ABCC3: variants seen among roughly 807,000 people sequenced by gnomAD.
ABCC3 encodes ATP-binding cassette sub-family C member 3.
Under a neutral mutation model 165.3 loss-of-function variants are expected in ABCC3, and 121 were observed. That is an observed-to-expected ratio of 0.73 (90% confidence interval 0.63 to 0.85). The LOEUF (loss-of-function observed/expected upper bound fraction) is 0.85. ABCC3 is among the 40% of genes least tolerant of loss of function. The probability of loss-of-function intolerance (pLI) is 0.00; values close to 1 mark genes in which losing one functional copy is unlikely to be tolerated. For synonymous variants in ABCC3, 733 were observed against 810.1 expected, an observed-to-expected ratio of 0.90 and a Z score of 1.62; for missense variants, 1,869 against 1,964.1, an observed-to-expected ratio of 0.95 and a Z score of 0.92.
chr17:50,650,012 G>C (rs1967084564), intron 1 of ABCC3, among the ~76,000 whole-genome samples: 1 of 152,154 alleles, frequency 6.6e-6, no homozygotes, highest in Non-Finnish European at 1.5e-5. Flanking sequence ...ACTACCTAAA[G>C]AGAAAGAAAA....
chr17:50,663,188 G>T, intron 8 of ABCC3: 1 of 164,890 alleles, frequency 6.1e-6, no homozygotes, highest in South Asian at 1.6e-4. Flanking sequence ...GAGAAGAGAG[G>T]TGAAGAAGGC....
chr17:50,641,993 G>GAA (rs201815011), intron 1 of ABCC3, among the ~76,000 whole-genome samples: 15 of 149,574 alleles, frequency 1.0e-4, no homozygotes, highest in East Asian at 3.9e-4. Context: ...ATTACAGTGG[G>GAA]GAAAAAAAAA....
chr17:50,655,281 C>T (rs1011285600), intron 1 of ABCC3, among the ~76,000 whole-genome samples: 7 of 151,002 alleles, frequency 4.6e-5, no homozygotes, highest in African/African-American at 1.7e-4. Context: ...TGGTGGGCGC[C>T]TGTAGTCCCA....
At chr17:50,679,681 C>A in intron 25 of ABCC3, 117 bp from the exon 26 acceptor site, 1 of 946,964 alleles carries the variant, frequency 1.1e-6, no homozygotes, top group Non-Finnish European at 1.7e-6. Context: ...CCACCTGGGT[C>A]ATCCATGGGC....
intron 1 of ABCC3, 137 bp downstream of exon 1, chr17:50,635,118 G>T: frequency 1.0e-6 from 1 of 956,088 alleles, no homozygotes; most frequent in Non-Finnish European, 1.4e-6. Context: ...CGCCCGGGAG[G>T]GGGCGATGGG....
In ABCC3 at chr17:50,658,083, G is replaced by C. The variant is rs562961331; in HGVS notation, c.488G>C (p.Gly163Ala). The change falls in exon 5 of 31, where the codon GGT becomes GCT. Residue 163 changes from glycine (G) to alanine (A), a missense_variant and splice_region_variant. Transcript: ENST00000285238. ...ACGCCCCTCCACTCTCCCACCCAGG[G>C]TGAGATCTCAGACCCCTTCCGCTTC... ...RSKILLAKAE[G>A]EISDPFRFTT... The C allele has an allele frequency of 6.2e-7, 1 of 1,614,176 alleles. No individual in the cohort carries two copies. Among genetic ancestry groups the C allele is most frequent in the South Asian group, 1.1e-5 (1 of 91,090 alleles).
chr17:50,678,050 G>T (rs913320863), intron 24 of ABCC3, 43 bp from the exon 25 acceptor site: 21 of 1,613,684 alleles, frequency 1.3e-5, no homozygotes, highest in Middle Eastern at 1.6e-4. Flanking sequence ...AACTGGCCCT[G>T]CCCTGCCCCT....
intron 26 of ABCC3, among the ~76,000 whole-genome samples, chr17:50,682,093 C>A (rs975319080): frequency 6.6e-6 from 1 of 152,102 alleles, no homozygotes; most frequent in African/African-American, 2.4e-5. Flanking sequence ...CACCTCTGGC[C>A]GCGTGGTTTC....
intron 1 of ABCC3, among the ~76,000 whole-genome samples, chr17:50,655,404 C>CAAAAAAAAAAAAAAAAAA (rs58586394): frequency 1.8e-5 from 1 of 56,540 alleles, no homozygotes; most frequent in African/African-American, 7.0e-5. Context: ...GACTCTGTCT[C>CAAAAAAAAAAAAAAAAAA]AAAAAAAAAA....
chr17:50,685,715 G>T (rs1289364185), intron 29 of ABCC3, among the ~76,000 whole-genome samples: 1 of 152,186 alleles, frequency 6.6e-6, no homozygotes, highest in Non-Finnish European at 1.5e-5. Context: ...TGGGGCCAGT[G>T]GCTACCACCT....
At chr17:50,638,500 G>T (rs1358537371) in intron 1 of ABCC3, among the ~76,000 whole-genome samples, 1 of 152,216 alleles carries the variant, frequency 6.6e-6, no homozygotes, top group East Asian at 1.9e-4. Context: ...AGCCAGGAAA[G>T]AAGGTGGGGT....
intron 8 of ABCC3, 176 bp from the exon 9 acceptor site, chr17:50,663,505 G>A: frequency 1.5e-6 from 1 of 647,426 alleles, no homozygotes; most frequent in Non-Finnish European, 2.6e-6. Context: ...GGAGCCAGGA[G>A]GTCGTGGTCT....
Position 50,664,003 on chromosome 17 carries a change from C to G in ABCC3, c.1230C>G (p.Val410=), listed in dbSNP as rs1967463797. Residue 410 remains valine, a synonymous_variant, in exon 10 of 31, where the codon GTC becomes GTG. Coordinates refer to ENST00000285238, the MANE Select transcript of ABCC3 (RefSeq NM_003786.4). ...VKRASTVGEI[V]NLMSVDAQRF... is the part of the protein sequence containing the mutation. ...GTGCGTCCACTGTGGGGGAAATTGT[C>G]AACCTCATGTCAGTGGATGCCCAGC... 1 of 1,614,024 alleles carries G rather than the reference C, an allele frequency of 6.2e-7. No homozygotes were observed. Among genetic ancestry groups the G allele is most frequent in the African/African-American group, 1.3e-5 (1 of 74,930 alleles).
chr17:50,646,330 GC>G (rs1406030257), intron 1 of ABCC3, among the ~76,000 whole-genome samples: 1 of 152,188 alleles, frequency 6.6e-6, no homozygotes, highest in Non-Finnish European at 1.5e-5. Flanking sequence ...AGCAGGAAAG[GC>G]GGGGAGAGGG....
In ABCC3 at chr17:50,676,890, G is replaced by C. The variant is rs555256955; in HGVS notation, c.3378+302G>C. ...TTCCTGTTGGCTTTTTTTTTTTGGG[G>C]GGGGGGGGACGGAATCTCGAGTCTC... On this transcript the variant is annotated intron_variant, in intron 23 of 30. Coordinates refer to ENST00000285238, the MANE Select transcript of ABCC3 (RefSeq NM_003786.4). Among the ~76,000 whole-genome samples, 96 of 16,346 alleles carry C rather than the reference G, an allele frequency of 5.9e-3. 2 individuals are homozygous for C. The highest frequency in any genetic ancestry group is 9.1e-3 in the African/African-American group (85 of 9,384). 10.7% of individuals were successfully genotyped at this position (16,346 alleles called of 152,430 possible). A position where few individuals can be genotyped will look rare whatever the true frequency, so the allele number is the denominator to read the frequency against.
intron 1 of ABCC3, among the ~76,000 whole-genome samples, chr17:50,642,469 G>A (rs1440081023): frequency 6.6e-6 from 1 of 152,240 alleles, no homozygotes; most frequent in Non-Finnish European, 1.5e-5. Context: ...CAGAGCAGGT[G>A]TCTGCGAAAC....
chr17:50,662,930 A>G (rs1967425166), intron 8 of ABCC3, among the ~76,000 whole-genome samples: 1 of 152,016 alleles, frequency 6.6e-6, no homozygotes, highest in African/African-American at 2.4e-5. Context: ...AGAGGTGGCC[A>G]GGGTGAAGCT....
At chr17:50,652,393 GC>G (rs1335724438) in intron 1 of ABCC3, among the ~76,000 whole-genome samples, 3 of 94,136 alleles carry the variant, frequency 3.2e-5, no homozygotes, top group South Asian at 7.2e-4. Flanking sequence ...TCGTGAAGGA[GC>G]TTTTAAGATT....
rs112972533 is a variant in ABCC3, at chr17:50,643,638, G to A, written c.45+8657G>A. ...TCCAGGGAAGGGGATCTCTCTAGGAGGAAGGGTGCTCAAGATGAAGAAGGT... is the reference window on the plus strand; with the variant it reads ...TCCAGGGAAGGGGATCTCTCTAGGAAGAAGGGTGCTCAAGATGAAGAAGGT... On this transcript the variant is annotated intron_variant, in intron 1 of 30. Transcript: ENST00000285238. 4,062 of 456,316 alleles carry A rather than the reference G, an allele frequency of 8.9e-3. 27 individuals are homozygous for A. Among genetic ancestry groups the A allele is most frequent in the Non-Finnish European group, 0.013 (2,894 of 226,962 alleles). The allele number at this position is 456,316 out of a possible 1,614,324, so 28.3% of individuals were successfully genotyped here.
Sources: gnomAD v4.1 joint callset for allele counts (sites outside exome capture counted in the v4.1 genomes callset) on GRCh38, gnomAD v4.1.1 for gene constraint, MANE v1.5 for transcripts, NCBI Gene and HGNC (gene_info 2026-07-23, HGNC 2026-07-21) for gene names.